STAB2: variants seen among roughly 807,000 people sequenced by gnomAD.
The protein encoded by STAB2 is stabilin 2.
A neutral mutation model predicts 338.1 loss-of-function variants in STAB2; 288 were observed. That is an observed-to-expected ratio of 0.85 (90% CI 0.77 to 0.94). The LOEUF (loss-of-function observed/expected upper bound fraction) is 0.94. Ranked by LOEUF, STAB2 falls within the 40% of genes least tolerant of loss-of-function variation. The pLI is 0.00. For missense variants in STAB2, 3,141 were observed against 3,210.1 expected (o/e 0.98, Z 0.52); for synonymous variants, 1,202 against 1,193.3 (o/e 1.01, Z -0.15).
At chr12:103,599,942 A>C (rs1956930298) in intron 3 of STAB2, among the ~76,000 whole-genome samples, 1 of 152,236 alleles carries the variant, frequency 6.6e-6, no homozygotes, top group Non-Finnish European at 1.5e-5. Context: ...CTCTGCCTTC[A>C]GGCTTAAGGA....
chr12:103,693,172 G>T (rs764120888), intron 31 of STAB2, among the ~76,000 whole-genome samples: 3 of 152,092 alleles, frequency 2.0e-5, no homozygotes, highest in Non-Finnish European at 4.4e-5. Context: ...AGACACTTGA[G>T]GCCAGGTGCT....
rs1881181215 is a variant in STAB2 at position 103,726,131 on chromosome 12, C to A, written c.4819C>A (p.Pro1607Thr). The change falls in exon 46 of 69, where the codon CCG (proline) becomes ACG (threonine). Residue 1607 changes from proline (P) to threonine (T), a missense_variant. Transcript: ENST00000388887. ...TTGTTTGCAGGAGCTTCCCAAGAAC[C>A]CGAAAACTTCCCAGTATTTCTTCCA... Reference protein sequence around the residue: ...GSIYQELPKNPKTSQYFFQLQ... With the variant: ...GSIYQELPKNTKTSQYFFQLQ... The A allele has an allele frequency of 6.2e-7, 1 of 1,613,848 alleles. No homozygotes were observed. Among genetic ancestry groups the A allele is most frequent in the Non-Finnish European group, 8.5e-7 (1 of 1,179,870 alleles).
Position 103,648,723 on chromosome 12 carries a change from C to A in STAB2, c.1074C>A (p.Gly358=), listed in dbSNP as rs1873515831. Residue 358 remains glycine, a synonymous_variant, in exon 10 of 69, where the codon GGC becomes GGA. Transcript: ENST00000388887. The part of the protein sequence containing the change: ...CICQKGYVGD[G]LTCYGNIMER... The stretch of plus-strand genomic sequence containing the variant: ...GCCAGAAAGGTTACGTGGGTGATGG[C>A]TTAACGTGTTATGGAAACATTATGG... 1.4e-5 allele frequency: 22 copies of A among 1,613,948 alleles called. No homozygotes were observed. The highest frequency in any genetic ancestry group is 1.9e-5 in the Non-Finnish European group (22 of 1,179,988).
At chr12:103,751,001 C>T (rs1019905890) in intron 60 of STAB2, among the ~76,000 whole-genome samples, 7 of 152,144 alleles carry the variant, frequency 4.6e-5, no homozygotes, top group Non-Finnish European at 1.0e-4. Context: ...CTGAGGAAAG[C>T]GAAAAGCCAC....
intron 10 of STAB2, 89 bp from the exon 11 acceptor site, chr12:103,650,407 G>A (rs1036041884): frequency 3.0e-5 from 32 of 1,057,710 alleles, no homozygotes; most frequent in Admixed American, 5.7e-5. Context: ...TGGACCGGTC[G>A]TGACCCAAGA....
At position 103,688,154 on chromosome 12, in the gene STAB2, A is replaced by G. The variant is rs759810361; in HGVS notation, c.2998-14A>G. The G allele has an allele frequency of 3.7e-6, 6 of 1,612,598 alleles. No homozygotes were observed. The Middle Eastern group carries it at 6.6e-4, about 177-fold the overall frequency. ...TCCCATCTCTTCTTCCCTCCCTTGC[A>G]TGATATGAATAAGGAATTGTCATTT... On this transcript the variant is annotated splice_polypyrimidine_tract_variant and intron_variant, in intron 27 of 68. Transcript: ENST00000388887.
Position 103,644,778 on chromosome 12 carries a change from T to A in STAB2, c.1041-3912T>A, listed in dbSNP as rs147080599. On this transcript the variant is annotated intron_variant, in intron 9 of 68. Coordinates refer to ENST00000388887, the MANE Select transcript of STAB2 (RefSeq NM_017564.10). Reference sequence around the variant, plus strand: ...GGTGACTACAGTCAACAACAATTTATCGTACATTTTTAAATAACTGAAAGA... The same window carrying A: ...GGTGACTACAGTCAACAACAATTTAACGTACATTTTTAAATAACTGAAAGA... 2.2e-4 allele frequency among the ~76,000 whole-genome samples: 34 copies of A among 152,284 alleles called. No individual in the cohort carries two copies. In the East Asian group the frequency reaches 6.4e-3, roughly 29 times the overall value.
chr12:103,598,490 A>G (rs1179844932), intron 3 of STAB2, among the ~76,000 whole-genome samples: 5 of 152,226 alleles, frequency 3.3e-5, no homozygotes, highest in Non-Finnish European at 7.3e-5. Flanking sequence ...CTTGAGCATC[A>G]CAATGCATTG....
chr12:103,679,192 A>G (rs1483956473), intron 25 of STAB2, among the ~76,000 whole-genome samples: 1 of 152,054 alleles, frequency 6.6e-6, no homozygotes, highest in African/African-American at 2.4e-5. Flanking sequence ...CCTGACCAAC[A>G]TGGAGAAACC....
intron 3 of STAB2, among the ~76,000 whole-genome samples, chr12:103,596,230 G>T (rs1389243689): frequency 3.3e-5 from 5 of 152,140 alleles, no homozygotes; most frequent in Non-Finnish European, 7.4e-5. Context: ...AGAACTTTTA[G>T]ATTTGCTTTT....
At chr12:103,739,362 G>T in intron 53 of STAB2, 50 bp from the exon 54 acceptor site, 1 of 1,502,168 alleles carries the variant, frequency 6.7e-7, no homozygotes, top group South Asian at 1.3e-5. Context: ...ACATTTCCTT[G>T]TGTTTTCTGA....
At chr12:103,599,932 C>G (rs1434587794) in intron 3 of STAB2, among the ~76,000 whole-genome samples, 1 of 152,220 alleles carries the variant, frequency 6.6e-6, no homozygotes, top group African/African-American at 2.4e-5. Context: ...ACCTGTTATA[C>G]TCTGCCTTCA....
chr12:103,627,439 C>T (rs901043096), intron 5 of STAB2, among the ~76,000 whole-genome samples: 2 of 152,328 alleles, frequency 1.3e-5, no homozygotes, highest in African/African-American at 4.8e-5. Flanking sequence ...CTGACCAGCA[C>T]GGCCATGGCT....
intron 15 of STAB2, among the ~76,000 whole-genome samples, chr12:103,659,859 G>A (rs1874465039): frequency 6.6e-6 from 1 of 152,216 alleles, no homozygotes; most frequent in African/African-American, 2.4e-5. Flanking sequence ...CCTGTATGTG[G>A]TCTGACAAAC....
At chr12:103,705,529 C>G in intron 36 of STAB2, 103 bp from the exon 37 acceptor site, 1 of 895,282 alleles carries the variant, frequency 1.1e-6, no homozygotes, top group Non-Finnish European at 1.8e-6. Flanking sequence ...TCCCACAACA[C>G]TTTAGTCAGA....
Position 103,695,718 on chromosome 12 carries a change from T to G in STAB2, c.3475-19T>G. On this transcript the variant is annotated intron_variant, in intron 32 of 68. Coordinates refer to ENST00000388887, the MANE Select transcript of STAB2 (RefSeq NM_017564.10). ...AGGAACAGGAATCCCTCATGCACTC[T>G]TGTCTCTTTCCATCGCAGCAATATA... 6.2e-7 allele frequency: 1 copy of G among 1,614,188 alleles called. No individual in the cohort carries two copies. The highest frequency in any genetic ancestry group is 8.5e-7 in the Non-Finnish European group (1 of 1,179,998).
chr12:103,762,178 C>A (rs1029220104), intron 66 of STAB2, 96 bp from the exon 67 acceptor site: 7 of 1,523,162 alleles, frequency 4.6e-6, no homozygotes, highest in Non-Finnish European at 6.2e-6. Flanking sequence ...GTATTTTTAT[C>A]CCCACTGGCT....
At position 103,617,332 on chromosome 12, in the gene STAB2, T is replaced by C. The variant is rs897585029; in HGVS notation, c.332-3136T>C. Among the ~76,000 whole-genome samples, 10 of 152,234 alleles carry C rather than the reference T, an allele frequency of 6.6e-5. 1 individual carries two copies. Among genetic ancestry groups the C allele is most frequent in the Admixed American group, 3.3e-4 (5 of 15,294 alleles). Reference sequence around the variant, plus strand: ...ATGGTCGGATTCAAACAAGTACGAGTAATTTATTTCCTGAGTGTTTTAACT... The same window carrying C: ...ATGGTCGGATTCAAACAAGTACGAGCAATTTATTTCCTGAGTGTTTTAACT... On this transcript the variant is annotated intron_variant, in intron 3 of 68. Transcript: ENST00000388887.
At chr12:103,589,671 A>C (rs1956766544) in intron 1 of STAB2, among the ~76,000 whole-genome samples, 1 of 152,218 alleles carries the variant, frequency 6.6e-6, no homozygotes, top group South Asian at 2.1e-4. Flanking sequence ...AAAGGAAGAA[A>C]AATGAATGTG....
Sources: allele counts gnomAD v4.1 joint callset (sites outside exome capture counted in the v4.1 genomes callset), GRCh38; gene constraint gnomAD v4.1.1; transcripts MANE v1.5; gene names NCBI Gene and HGNC (gene_info 2026-07-23, HGNC 2026-07-21).